Variants in CEP72 observed in about 807,000 individuals in gnomAD.
CEP72 encodes the protein centrosomal protein 72, also known as centrosomal protein of 72 kDa.
In CEP72, 78 loss-of-function variants were observed where a neutral mutation model predicts 65.7. That is an observed-to-expected ratio of 1.19 (90% CI 0.99 to 1.43). The LOEUF (loss-of-function observed/expected upper bound fraction) is 1.43. Among genes scored for constraint, CEP72 ranks in the 40% most tolerant of loss-of-function variants. The pLI, the probability that CEP72 is intolerant of heterozygous loss-of-function variation, is 0.00. For missense variants in CEP72, 914 were observed against 832.9 expected, an observed-to-expected ratio of 1.10 and a Z score of -1.20; for synonymous variants, 358 against 351.7, an observed-to-expected ratio of 1.02 and a Z score of -0.20.
At position 634,605 on chromosome 5, in the gene CEP72, G is replaced by A. The variant is rs193207826; in HGVS notation, c.691+658G>A. Among the ~76,000 whole-genome samples, 143 of 152,322 alleles carry A rather than the reference G, an allele frequency of 9.4e-4. 1 individual carries two copies. Among genetic ancestry groups the A allele is most frequent in the Middle Eastern group, 3.4e-3 (1 of 294 alleles). ...TTAATCCTAGCTGCTCTGTCAGGGG[G>A]TTGTGGTCTGTGTTTATGGCTTTAA... is the stretch of plus-strand genomic sequence containing the variant. On this transcript the variant is annotated intron_variant, in intron 5 of 11. Transcript: ENST00000264935.
intron 11 of CEP72, among the ~76,000 whole-genome samples, chr5:649,492 G>C (rs1738767406): frequency 2.6e-5 from 1 of 38,824 alleles, no homozygotes; most frequent in Non-Finnish European, 4.7e-5. Context: ...GTGAGGTGTG[G>C]ACTGTGAGGT....
chr5:637,367 T>C, intron 6 of CEP72, 150 bp from the exon 7 acceptor site: 1 of 666,514 alleles, frequency 1.5e-6, no homozygotes, highest in Admixed American at 2.7e-5. Flanking sequence ...TGTATGCACG[T>C]GGATAGGTGT....
chr5:675,325 G>C, the CEP72 span, among the ~76,000 whole-genome samples: 1 of 115,996 alleles, frequency 8.6e-6, no homozygotes, highest in African/African-American at 3.4e-5. Flanking sequence ...AGTGTGGCCG[G>C]GGGTGCAGTG....
intron 10 of CEP72, among the ~76,000 whole-genome samples, chr5:646,688 C>A (rs1738445410): frequency 6.6e-6 from 1 of 152,204 alleles, no homozygotes; most frequent in African/African-American, 2.4e-5. Flanking sequence ...GCATGGGGGC[C>A]CCTGGCCTCA....
chr5:673,947 G>A, the CEP72 span, among the ~76,000 whole-genome samples: 2 of 152,230 alleles, frequency 1.3e-5, no homozygotes, highest in Non-Finnish European at 2.9e-5. Flanking sequence ...GCAGGCGTGT[G>A]TGTGCACATG....
chr5:615,031 T>G (rs1735902938), intron 1 of CEP72, among the ~76,000 whole-genome samples: 1 of 152,214 alleles, frequency 6.6e-6, no homozygotes, highest in Non-Finnish European at 1.5e-5. Flanking sequence ...TGTCTGTTTT[T>G]TTTTTCACTT....
chr5:671,637 C>CACA (rs1408988398), downstream of CEP72, among the ~76,000 whole-genome samples: 2 of 152,202 alleles, frequency 1.3e-5, no homozygotes, highest in Non-Finnish European at 2.9e-5. Flanking sequence ...GTACAGGAGC[C>CACA]ACAGGCCTTG....
intron 1 of CEP72, among the ~76,000 whole-genome samples, chr5:618,569 A>T (rs1269437764): frequency 6.6e-6 from 1 of 151,920 alleles, no homozygotes; most frequent in Admixed American, 6.6e-5. Context: ...GCAGTGGGGG[A>T]GAGAGATGGA....
the CEP72 span, among the ~76,000 whole-genome samples, chr5:672,339 T>C: frequency 6.6e-6 from 1 of 152,326 alleles, no homozygotes; most frequent in East Asian, 1.9e-4. Context: ...GGTATCAGTC[T>C]AACCCCCAAG....
chr5:612,624 C>T, intron 1 of CEP72, 181 bp downstream of exon 1: 1 of 985,370 alleles, frequency 1.0e-6, no homozygotes, highest in South Asian at 4.7e-5. Context: ...CCCCCCGTGC[C>T]CAGGTGCGGC....
intron 7 of CEP72, 105 bp downstream of exon 7, chr5:637,923 T>A (rs1737727566): frequency 8.9e-7 from 1 of 1,117,350 alleles, no homozygotes; most frequent in Non-Finnish European, 1.2e-6. Context: ...ACTGACTGTG[T>A]CCCTCCCTGA....
At chr5:615,260 C>T (rs1709539) in intron 1 of CEP72, among the ~76,000 whole-genome samples, 90,694 of 151,466 alleles carry the variant, frequency 0.6, 27,391 homozygotes, top group Non-Finnish European at 0.64. Context: ...TTCAGCTTCC[C>T]GAGTAGCTGG....
intron 4 of CEP72, among the ~76,000 whole-genome samples, chr5:625,099 G>T (rs752636516): frequency 6.6e-6 from 1 of 152,166 alleles, no homozygotes; most frequent in South Asian, 2.1e-4. Flanking sequence ...GACCGTGGGC[G>T]TGTGTGTGAG....
chr5:620,614 G>A (rs1304851742), intron 3 of CEP72, among the ~76,000 whole-genome samples: 1 of 152,202 alleles, frequency 6.6e-6, no homozygotes, highest in Non-Finnish European at 1.5e-5. Context: ...TAGCCCCCAG[G>A]TATCATCTCA....
At chr5:619,598 G>C (rs997574981) in intron 2 of CEP72, among the ~76,000 whole-genome samples, 2 of 151,980 alleles carry the variant, frequency 1.3e-5, no homozygotes, top group East Asian at 3.9e-4. Context: ...CCTGAGCCTG[G>C]TGCCTGAGCA....
intron 1 of CEP72, chr5:663,267 T>C (rs1459712951): frequency 6.6e-6 from 1 of 152,460 alleles, no homozygotes; most frequent in Non-Finnish European, 1.5e-5. Context: ...TTCCGCACGT[T>C]AGTTCTGCCT....
intron 1 of CEP72, among the ~76,000 whole-genome samples, chr5:615,332 C>T (rs1272979975): frequency 6.6e-6 from 1 of 152,050 alleles, no homozygotes; most frequent in Non-Finnish European, 1.5e-5. Context: ...GACGGGGTTT[C>T]ACCATGTTGG....
chr5:632,345 A>G (rs74209711), intron 4 of CEP72, among the ~76,000 whole-genome samples: 1 of 9,810 alleles, frequency 1.0e-4, no homozygotes. Flanking sequence ...TCGGGATTTG[A>G]CCCAGTCCTG....
intron 9 of CEP72, chr5:641,819 G>A (rs1697981): frequency 1.7e-5 from 7 of 403,210 alleles, no homozygotes; most frequent in South Asian, 1.9e-4. Context: ...CGTGGTCCCC[G>A]GTCCAGAAGC....
Sources: allele counts gnomAD v4.1 joint callset (sites outside exome capture counted in the v4.1 genomes callset), GRCh38; gene constraint gnomAD v4.1.1; transcripts MANE v1.5; gene names NCBI Gene and HGNC (gene_info 2026-07-23, HGNC 2026-07-21).